The following HNRNPA1 variants were observed in gnomAD, a reference collection of about 807,000 sequenced individuals.
HNRNPA1 encodes epididymis secretory sperm binding protein.
In HNRNPA1, 7 loss-of-function variants were observed where a neutral mutation model predicts 44.4. The observed-to-expected ratio is 0.16, with a 90% CI of 0.09 to 0.30. HNRNPA1 has a LOEUF of 0.30. HNRNPA1 is among the 10% of genes least tolerant of loss of function. The pLI, the probability that HNRNPA1 is intolerant of heterozygous loss-of-function variation, is 1.00. For missense variants in HNRNPA1, 193 were observed against 465.8 expected (o/e 0.41, Z 5.39); for synonymous variants, 169 against 160.6 (o/e 1.05, Z -0.40).
intron 9 of HNRNPA1, 84 bp from the exon 10 acceptor site, chr12:54,284,174 C>G: frequency 6.8e-7 from 1 of 1,472,472 alleles, no homozygotes; most frequent in Non-Finnish European, 9.4e-7. Context: ...TGGCCAGACA[C>G]TTGAATTTAA....
chr12:54,281,641 T>A (rs1476220175), intron 2 of HNRNPA1, 139 bp downstream of exon 2: 7 of 1,028,444 alleles, frequency 6.8e-6, no homozygotes, highest in Non-Finnish European at 1.0e-5. Context: ...CCTGCTTTGA[T>A]TTTAAAAGCT....
rs554269174 is a variant in HNRNPA1, at chr12:54,283,849, T to G, written c.945T>G (p.Phe315Leu). 2 of 1,613,912 alleles carry G rather than the reference T, an allele frequency of 1.2e-6. No homozygotes were observed. The highest frequency in any genetic ancestry group is 2.7e-5 in the African/African-American group (2 of 75,062). Reference protein sequence around the residue: ...NFGGGGSYNDFGNYNNQSSNF... With the variant: ...NFGGGGSYNDLGNYNNQSSNF... ...GAGGTGGTGGAAGCTACAATGATTTTGGGAATTACAACAATCAGTCTTCAA... is the reference window on the plus strand; with the variant it reads ...GAGGTGGTGGAAGCTACAATGATTTGGGGAATTACAACAATCAGTCTTCAA... The change falls in exon 9 of 11, where the codon TTT becomes TTG. Residue 315 changes from phenylalanine to leucine, a missense_variant. By Grantham distance (22) the Phe-to-Leu change is conservative (BLOSUM62 0). Coordinates refer to ENST00000340913, the MANE Select transcript of HNRNPA1 (RefSeq NM_031157.4).
In HNRNPA1 at chr12:54,284,806, T is replaced by A. The variant is rs1944239289; in HGVS notation, c.*262T>A. 1 of 345,744 alleles carries A rather than the reference T, an allele frequency of 2.9e-6. No individual in the cohort carries two copies. The highest frequency in any genetic ancestry group is 5.7e-6 in the Non-Finnish European group (1 of 176,262). The allele number at this position is 345,744 out of a possible 1,614,324, so 21.4% of individuals were successfully genotyped here. A position where few individuals can be genotyped will look rare whatever the true frequency, so the allele number is the denominator to read the frequency against. On this transcript the variant is annotated 3_prime_UTR_variant, in exon 11 of 11. Transcript: ENST00000340913. ...AACAAAGGGTTTTAATGTAGATTTTTTTTTTTGCACCCCATGCTGTTGATT... is the reference window on the plus strand; with the variant it reads ...AACAAAGGGTTTTAATGTAGATTTTATTTTTTGCACCCCATGCTGTTGATT...
In HNRNPA1 at chr12:54,283,676, G is replaced by C; in HGVS notation, c.908-136G>C. 3.6e-6 allele frequency: 3 copies of C among 834,732 alleles called. No homozygotes were observed. In the South Asian group the frequency reaches 4.8e-5, roughly 13 times the overall value. The allele number at this position is 834,732 out of a possible 1,614,324, so 51.7% of individuals were successfully genotyped here. A position where few individuals can be genotyped will look rare whatever the true frequency, so the allele number is the denominator to read the frequency against. On this transcript the variant is annotated intron_variant, in intron 8 of 10. Transcript: ENST00000340913. ...GAATGCCTTTCCCAGAGAATGAAAT[G>C]CAAAGATTGGAGTCACCATAGTTTG...
chr12:54,284,479 T>C (rs1483129922), intron 10 of HNRNPA1, 70 bp from the exon 11 acceptor site: 3 of 751,704 alleles, frequency 4.0e-6, no homozygotes, highest in African/African-American at 1.7e-5. Flanking sequence ...GGAAACAAAC[T>C]TGATATTGGA....
chr12:54,282,504 T>G lies in HNRNPA1; in HGVS notation c.583+18T>G. On this transcript the variant is annotated intron_variant, in intron 5 of 10. Coordinates refer to ENST00000340913, the MANE Select transcript of HNRNPA1 (RefSeq NM_031157.4). ...CCAAAGAGGTATGCTTGTTGCTTAA[T>G]TAAACCTTAAAGGTAACTTTGAGTT... is the stretch of plus-strand genomic sequence containing the variant. 3 of 1,612,152 alleles carry G rather than the reference T, an allele frequency of 1.9e-6. No individual in the cohort carries two copies. Among genetic ancestry groups the G allele is most frequent in the Non-Finnish European group, 2.5e-6 (3 of 1,178,492 alleles).
Position 54,280,807 on chromosome 12 carries a change from C to G in HNRNPA1, c.-1C>G. ...TTAAAGTCTCTCTTCACCCTGCCGT[C>G]ATGTCTAAGTCAGAGGTGAGTTAGG... On this transcript the variant is annotated 5_prime_UTR_variant, in exon 1 of 11. Coordinates refer to ENST00000340913, the MANE Select transcript of HNRNPA1 (RefSeq NM_031157.4). 1 of 1,614,204 alleles carries G rather than the reference C, an allele frequency of 6.2e-7. No homozygotes were observed.
At chr12:54,281,259 G>C (rs1944162792) in intron 1 of HNRNPA1, 127 bp from the exon 2 acceptor site, 1 of 726,156 alleles carries the variant, frequency 1.4e-6, no homozygotes, top group African/African-American at 1.8e-5. Context: ...GCAGAAGCAC[G>C]TGTCTTGTTG....
At chr12:54,281,159 T>C in intron 1 of HNRNPA1, 3 of 698,334 alleles carry the variant, frequency 4.3e-6, no homozygotes, top group Non-Finnish European at 7.9e-6. Flanking sequence ...GCCCAAGCCT[T>C]TGTTGCGCGT....
rs1264121785 is a variant in HNRNPA1 at position 54,286,005 on chromosome 12, A to G, written c.*1461A>G. 6.6e-6 allele frequency: 1 copy of G among 152,242 alleles called. No individual in the cohort carries two copies. Among genetic ancestry groups the G allele is most frequent in the African/African-American group, 2.4e-5 (1 of 41,538 alleles). The allele number at this position is 152,242 out of a possible 1,614,324, so 9.4% of individuals were successfully genotyped here. On this transcript the variant is annotated 3_prime_UTR_variant, in exon 11 of 11. Coordinates refer to ENST00000340913, the MANE Select transcript of HNRNPA1 (RefSeq NM_031157.4). ...TGCAGATACCTCAGGATTCGTGACA[A>G]TGCCTTTAAAGATCCAGGAGAGATG...
chr12:54,282,024 C>G (rs1039184552), intron 3 of HNRNPA1, 66 bp from the exon 4 acceptor site: 8 of 1,598,818 alleles, frequency 5.0e-6, no homozygotes, highest in African/African-American at 4.1e-5. Context: ...GTTTTCTAAA[C>G]TTACCAAAAT....
intron 9 of HNRNPA1, 97 bp downstream of exon 9, chr12:54,284,064 G>A (rs2137045390): frequency 7.0e-6 from 10 of 1,431,484 alleles, no homozygotes; most frequent in East Asian, 2.3e-5. Context: ...GCAGCAAAAC[G>A]TTTATAGTTT....
At chr12:54,281,134 A>G in intron 1 of HNRNPA1, 1 of 699,896 alleles carries the variant, frequency 1.4e-6, no homozygotes, top group East Asian at 2.7e-5. Flanking sequence ...CCCATTGTGG[A>G]GATGCACCCC....
chr12:54,286,941 T>C lies in HNRNPA1; in HGVS notation c.*2397T>C, dbSNP rs1455673309. 6.6e-6 allele frequency: 1 copy of C among 152,254 alleles called. No individual in the cohort carries two copies. Among genetic ancestry groups the C allele is most frequent in the East Asian group, 1.9e-4 (1 of 5,204 alleles). The allele number at this position is 152,254 out of a possible 1,614,324, so 9.4% of individuals were successfully genotyped here. ...TATATGAATACTTTACAACCTCTTT[T>C]GCCTTTTGCAGGAACGTCCTTGTGA... On this transcript the variant is annotated 3_prime_UTR_variant, in exon 11 of 11. Coordinates refer to ENST00000340913, the MANE Select transcript of HNRNPA1 (RefSeq NM_031157.4).
At chr12:54,281,014 T>C (rs776605745) in intron 1 of HNRNPA1, 192 bp downstream of exon 1, 6 of 720,266 alleles carry the variant, frequency 8.3e-6, no homozygotes, top group Non-Finnish European at 1.5e-5. Context: ...CCGCCAACCA[T>C]GAGTTATCAT....
chr12:54,281,116 C>T (rs1332075792), intron 1 of HNRNPA1: 2 of 699,456 alleles, frequency 2.9e-6, no homozygotes, highest in Admixed American at 4.0e-5. Flanking sequence ...TTCTAAAGAG[C>T]GATTAGTCCC....
At chr12:54,282,541 A>C (rs1455160204) in intron 5 of HNRNPA1, 32 bp from the exon 6 acceptor site, 1 of 1,610,804 alleles carries the variant, frequency 6.2e-7, no homozygotes. Flanking sequence ...CTCCAGTATG[A>C]ATGATTTAAT....
chr12:54,283,485 C>T (rs879255763), intron 8 of HNRNPA1, among the ~76,000 whole-genome samples: 5 of 152,128 alleles, frequency 3.3e-5, no homozygotes, highest in Non-Finnish European at 7.4e-5. Context: ...TCCTTTGGGA[C>T]CTTAGGCGCT....
chr12:54,281,366 T>TC lies in HNRNPA1; in HGVS notation c.16-15dup. The TC allele has an allele frequency of 7.3e-7, 1 of 1,364,170 alleles. No individual in the cohort carries two copies. Among genetic ancestry groups the TC allele is most frequent in the Non-Finnish European group, 1.0e-6 (1 of 966,332 alleles). 84.5% of individuals were successfully genotyped at this position (1,364,170 alleles called of 1,614,324 possible). ...TTCGTGTTGTAGCCCATTTAACACTTCCCCCTCCCCCCACTCTAGTCTCCT... is the reference window on the plus strand; with the variant it reads ...TTCGTGTTGTAGCCCATTTAACACTTCCCCCCTCCCCCCACTCTAGTCTCCT... On this transcript the variant is annotated intron_variant, in intron 1 of 10. Transcript: ENST00000340913.
Sources: gnomAD v4.1 joint callset for allele counts (sites outside exome capture counted in the v4.1 genomes callset) on GRCh38, gnomAD v4.1.1 for gene constraint, MANE v1.5 for transcripts, NCBI Gene and HGNC (gene_info 2026-07-23, HGNC 2026-07-21) for gene names.